The following COPG2 variants were observed in gnomAD, a reference collection of about 807,000 sequenced individuals.
COPG2 encodes coat protein complex I subunit gamma 2.
A neutral mutation model predicts 46.3 loss-of-function variants in COPG2; 37 were observed. The ratio of observed to expected loss-of-function variants is 0.80; its 90% CI spans 0.61 to 1.05. The LOEUF (loss-of-function observed/expected upper bound fraction) is 1.05, where lower values mean the gene tolerates loss of function less well. COPG2 is among the 50% of genes least tolerant of loss of function. The pLI is 0.00. For missense variants in COPG2, 427 were observed against 387.8 expected (o/e 1.10, Z -0.85); for synonymous variants, 159 against 129.7 (o/e 1.23, Z -1.53).
chr7:130,524,192 T>C (rs1249812662), intron 20 of COPG2, among the ~76,000 whole-genome samples: 1 of 151,984 alleles, frequency 6.6e-6, no homozygotes, highest in African/African-American at 2.4e-5. Context: ...TGGACACTGA[T>C]AGCTGGGCAG....
At chr7:130,527,439 G>T (rs1282512640) in intron 20 of COPG2, among the ~76,000 whole-genome samples, 7 of 128,656 alleles carry the variant, frequency 5.4e-5, no homozygotes, top group East Asian at 2.6e-4. Flanking sequence ...GCTGTCCACA[G>T]CAGTGATTCT....
chr7:130,613,154 C>G (rs567911134), intron 7 of COPG2, among the ~76,000 whole-genome samples: 2 of 152,180 alleles, frequency 1.3e-5, no homozygotes, highest in Non-Finnish European at 2.9e-5. Flanking sequence ...TTGGATGAAA[C>G]TGTTCCACCT....
At chr7:130,657,007 T>C (rs1290315590) in intron 4 of COPG2, among the ~76,000 whole-genome samples, 1 of 149,988 alleles carries the variant, frequency 6.7e-6, no homozygotes, top group Non-Finnish European at 1.5e-5. Flanking sequence ...ATTATCTATA[T>C]ATAATATAGA....
intron 23 of COPG2, 101 bp from the exon 24 acceptor site, chr7:130,506,907 G>A (rs1799503520): frequency 1.6e-6 from 1 of 627,520 alleles, no homozygotes; most frequent in Non-Finnish European, 2.8e-6. Flanking sequence ...TATTAGTTTA[G>A]TTTAGCTTTT....
intron 20 of COPG2, among the ~76,000 whole-genome samples, chr7:130,513,039 A>C (rs868918953): frequency 6.6e-6 from 1 of 151,874 alleles, no homozygotes; most frequent in South Asian, 2.1e-4. Context: ...TAATCCCAGC[A>C]CTTCAGGGGA....
chr7:130,635,963 CCAG>C (rs1554456109), intron 5 of COPG2, among the ~76,000 whole-genome samples: 1 of 151,952 alleles, frequency 6.6e-6, no homozygotes, highest in East Asian at 1.9e-4. Flanking sequence ...CATTATTTAC[CCAG>C]TAGTCATTCA....
chr7:130,638,711 TCAGCCCCCTTTC>T (rs74771262), intron 5 of COPG2, among the ~76,000 whole-genome samples: 28,552 of 151,838 alleles, frequency 0.19, 2,893 homozygotes, highest in Middle Eastern at 0.25. Flanking sequence ...CTCCCTGGCT[TCAGCCCCCTTTC>T]CAGAAGAGTG....
intron 5 of COPG2, among the ~76,000 whole-genome samples, chr7:130,647,500 G>A (rs180721060): frequency 6.6e-6 from 1 of 151,946 alleles, no homozygotes; most frequent in Admixed American, 6.5e-5. Flanking sequence ...CATTTTCCTT[G>A]AGTAAATACC....
chr7:130,554,128 T>C (rs1462268277), intron 14 of COPG2, among the ~76,000 whole-genome samples: 1 of 152,200 alleles, frequency 6.6e-6, no homozygotes, highest in Non-Finnish European at 1.5e-5. Context: ...GGGAGAGATT[T>C]GGATCTATTC....
chr7:130,644,516 G>A (rs1554457793), intron 5 of COPG2, among the ~76,000 whole-genome samples: 1 of 152,168 alleles, frequency 6.6e-6, no homozygotes, highest in South Asian at 2.1e-4. Context: ...GTCACATAGT[G>A]ATCAAGGTGC....
chr7:130,667,449 A>G (rs782820464), intron 2 of COPG2, 33 bp downstream of exon 2: 2 of 1,592,870 alleles, frequency 1.3e-6, no homozygotes, highest in South Asian at 2.2e-5. Context: ...ACAGAATAGA[A>G]AAGAAAGGGC....
Position 130,613,493 on chromosome 7 carries a change from AACTC to A in COPG2, c.492+47_492+50del. On this transcript the variant is annotated intron_variant, in intron 7 of 23. Transcript: ENST00000425248. ...AATCATAGTGATACTTTGTTTTCGC[AACTC>A]AAAACTGTACCATGCTTAAGAACTA... The A allele has an allele frequency of 5.4e-6, 6 of 1,117,306 alleles. No individual in the cohort carries two copies. In the South Asian group the frequency reaches 8.1e-5, roughly 15 times the overall value. 69.2% of individuals were successfully genotyped at this position (1,117,306 alleles called of 1,614,324 possible).
chr7:130,513,290 T>TAAAAAAAAAAA (rs1205677638), intron 20 of COPG2, among the ~76,000 whole-genome samples: 1 of 20,292 alleles, frequency 4.9e-5, no homozygotes, highest in Non-Finnish European at 1.2e-4. Context: ...TAATTCTGTC[T>TAAAAAAAAAAA]AAAAAAAAAA....
At chr7:130,627,839 T>A (rs1554454505) in intron 5 of COPG2, among the ~76,000 whole-genome samples, 4 of 151,940 alleles carry the variant, frequency 2.6e-5, no homozygotes, top group Non-Finnish European at 5.9e-5. Context: ...CATACTGGCA[T>A]TTGGCAGTTT....
chr7:130,634,625 T>C (rs1275115531), intron 5 of COPG2, among the ~76,000 whole-genome samples: 5 of 152,188 alleles, frequency 3.3e-5, no homozygotes, highest in African/African-American at 9.7e-5. Context: ...GCTGAGATGA[T>C]GGGGTTTTCC....
chr7:130,666,950 C>T (rs782527315), intron 2 of COPG2, 21 bp from the exon 3 acceptor site: 10 of 1,334,426 alleles, frequency 7.5e-6, no homozygotes, highest in South Asian at 2.6e-5. Context: ...ACATAAAAAA[C>T]ATTGCTACTT....
At chr7:130,617,701 C>T (rs1794972512) in intron 5 of COPG2, among the ~76,000 whole-genome samples, 1 of 152,206 alleles carries the variant, frequency 6.6e-6, no homozygotes, top group Admixed American at 6.5e-5. Context: ...TCCACTTCCT[C>T]AACTCCTCTC....
At position 130,648,860 on chromosome 7, in the gene COPG2, T is replaced by C. The variant is rs1398408263; in HGVS notation, c.323+4009A>G. 2.0e-5 allele frequency among the ~76,000 whole-genome samples: 3 copies of C among 152,300 alleles called. No individual in the cohort carries two copies. The East Asian group carries it at 5.8e-4, about 29-fold the overall frequency. On this transcript the variant is annotated intron_variant, in intron 5 of 23. Coordinates refer to ENST00000425248, the MANE Select transcript of COPG2 (RefSeq NM_012133.6). ...GTTTCATCGGCTTGTTTCCTGCCTA[T>C]AGAATTTGGGGCTCTGATAGCCTTC...
In COPG2 at chr7:130,551,248, G is replaced by A. The variant is rs1020950697; in HGVS notation, c.1641C>T (p.Ile547=). ...TCCTTGGCTTTCACTGACCATTAAA[G>A]ATATATGTGGCATTTAGTGCCATCT... ...QRQMALNATY[I]FNGLTVSVPG... Residue 547 remains isoleucine, a synonymous_variant, in exon 16 of 24, where the codon ATC becomes ATT. Transcript: ENST00000425248. 1 of 398,540 alleles carries A rather than the reference G, an allele frequency of 2.5e-6. No homozygotes were observed. The highest frequency in any genetic ancestry group is 4.4e-6 in the Non-Finnish European group (1 of 226,008). The allele number at this position is 398,540 out of a possible 1,614,324, so 24.7% of individuals were successfully genotyped here. A position where few individuals can be genotyped will look rare whatever the true frequency, so the allele number is the denominator to read the frequency against.
Sources: allele counts gnomAD v4.1 joint callset (sites outside exome capture counted in the v4.1 genomes callset), GRCh38; gene constraint gnomAD v4.1.1; transcripts MANE v1.5; gene names NCBI Gene and HGNC (gene_info 2026-07-23, HGNC 2026-07-21).